The following MYH15 variants were observed in gnomAD, a reference collection of about 807,000 sequenced individuals.
The protein encoded by MYH15 is myosin-15.
MYH15 carries 227 observed loss-of-function variants against 240.5 expected under a neutral mutation model. The ratio of observed to expected loss-of-function variants is 0.94; its 90% confidence interval spans 0.85 to 1.05. MYH15 has a LOEUF of 1.05. Among genes scored for constraint, MYH15 ranks in the 50% least tolerant of loss-of-function variants. The probability of loss-of-function intolerance (pLI) is 0.00; values close to 1 mark genes in which losing one functional copy is unlikely to be tolerated. For missense variants in MYH15, 2,217 were observed against 2,247.5 expected (o/e 0.99, Z 0.27); for synonymous variants, 785 against 796.7 (o/e 0.99, Z 0.25).
upstream of MYH15, among the ~76,000 whole-genome samples, chr3:108,532,511 A>G (rs1249888165): frequency 2.6e-5 from 4 of 152,148 alleles, no homozygotes; most frequent in Non-Finnish European, 4.4e-5. Flanking sequence ...TGGTTCTCAC[A>G]CTGAAACTAC....
At chr3:108,464,853 A>C in intron 14 of MYH15, 39 bp from the exon 15 acceptor site, 1 of 1,524,640 alleles carries the variant, frequency 6.6e-7, no homozygotes, top group Non-Finnish European at 8.8e-7. Flanking sequence ...TTCTTTAAAA[A>C]CACCGGCACT....
At chr3:108,468,014 G>A (rs1316898519) in intron 14 of MYH15, among the ~76,000 whole-genome samples, 2 of 150,744 alleles carry the variant, frequency 1.3e-5, no homozygotes, top group African/African-American at 2.4e-5. Flanking sequence ...TGCCCAGGCT[G>A]GAGTGCAGTG....
At position 108,398,679 on chromosome 3, in the gene MYH15, C is replaced by A. The variant is rs1196252569; in HGVS notation, c.5091G>T (p.Glu1697Asp). 1.9e-6 allele frequency: 3 copies of A among 1,613,760 alleles called. No homozygotes were observed. Among genetic ancestry groups the A allele is most frequent in the African/African-American group, 1.3e-5 (1 of 74,924 alleles). ...TERGRRLSEE[E>D]LLEATERINL... Reference sequence around the variant, plus strand: ...TGATTCTTTCTGTTGCTTCCAGGAGCTCTTCTTCTGACAGCCTGCGGCCAC... The same window carrying A: ...TGATTCTTTCTGTTGCTTCCAGGAGATCTTCTTCTGACAGCCTGCGGCCAC... Residue 1697 changes from glutamate to aspartate, a missense_variant, in exon 35 of 41, where the codon GAG (glutamate) becomes GAT (aspartate). Coordinates refer to ENST00000693548, the MANE Select transcript of MYH15 (RefSeq NM_014981.3).
intron 14 of MYH15, 44 bp from the exon 15 acceptor site, chr3:108,464,858 G>A (rs760717860): frequency 5.5e-5 from 83 of 1,508,816 alleles, no homozygotes; most frequent in Middle Eastern, 3.5e-4. Context: ...TAAAAACACC[G>A]GCACTTTCAG....
chr3:108,514,913 A>T (rs954112120), upstream of MYH15, among the ~76,000 whole-genome samples: 1 of 152,184 alleles, frequency 6.6e-6, no homozygotes, highest in Non-Finnish European at 1.5e-5. Context: ...CCTTGGAGGC[A>T]TCTCTAATTT....
At chr3:108,392,237 G>A (rs1453427806) in intron 36 of MYH15, among the ~76,000 whole-genome samples, 1 of 152,176 alleles carries the variant, frequency 6.6e-6, no homozygotes, top group Non-Finnish European at 1.5e-5. Flanking sequence ...TGAAGCAATG[G>A]CTTTTAATTG....
intron 1 of MYH15, chr3:108,529,225 G>A (rs2083695763): frequency 6.3e-7 from 1 of 1,588,486 alleles, no homozygotes; most frequent in Non-Finnish European, 8.6e-7. Flanking sequence ...TCAGCATTCT[G>A]TTAGACAAAT....
intron 25 of MYH15, among the ~76,000 whole-genome samples, chr3:108,435,363 T>C (rs2082822475): frequency 6.6e-6 from 1 of 152,154 alleles, no homozygotes; most frequent in African/African-American, 2.4e-5. Context: ...AAGTACAAAA[T>C]GTAGTATTGT....
intron 14 of MYH15, among the ~76,000 whole-genome samples, chr3:108,465,856 G>T (rs1165676529): frequency 1.3e-5 from 2 of 152,218 alleles, no homozygotes; most frequent in Non-Finnish European, 1.5e-5. Context: ...GAATCTGGGA[G>T]GCACAGGTTG....
chr3:108,484,071 T>C (rs576292281), intron 11 of MYH15, among the ~76,000 whole-genome samples: 8 of 152,202 alleles, frequency 5.3e-5, no homozygotes, highest in Admixed American at 1.3e-4. Context: ...ATGGCTAAAA[T>C]TGTAAATTGT....
chr3:108,425,452 A>G (rs2082718433), intron 27 of MYH15, among the ~76,000 whole-genome samples: 1 of 152,248 alleles, frequency 6.6e-6, no homozygotes, highest in Non-Finnish European at 1.5e-5. Context: ...AAGATAATTT[A>G]GGAAACCACT....
chr3:108,464,862 C>T (rs776706367), intron 14 of MYH15, 48 bp from the exon 15 acceptor site: 9 of 1,496,814 alleles, frequency 6.0e-6, no homozygotes, highest in South Asian at 1.3e-5. Context: ...AACACCGGCA[C>T]TTTCAGTAGG....
At chr3:108,485,503 C>T (rs1349625120) in intron 10 of MYH15, among the ~76,000 whole-genome samples, 3 of 152,184 alleles carry the variant, frequency 2.0e-5, no homozygotes, top group African/African-American at 7.2e-5. Flanking sequence ...TTGTTCCTTC[C>T]AGCAACAGAT....
At chr3:108,528,851 T>A (rs935657291) in intron 1 of MYH15, among the ~76,000 whole-genome samples, 8 of 148,478 alleles carry the variant, frequency 5.4e-5, no homozygotes, top group Admixed American at 5.3e-4. Context: ...CTACTCTCAG[T>A]AAATAATTAG....
intron 18 of MYH15, among the ~76,000 whole-genome samples, chr3:108,458,770 A>G (rs915515469): frequency 2.6e-5 from 4 of 151,856 alleles, no homozygotes; most frequent in African/African-American, 9.7e-5. Context: ...AAAAATCACT[A>G]CCATCCACCT....
At chr3:108,549,869 T>G in the MYH15 span, 1 of 152,074 alleles carries the variant, frequency 6.6e-6, no homozygotes. Context: ...GTCTCTTTTA[T>G]TTTATAGACC....
chr3:108,393,566 CCT>C (rs1406450415), intron 36 of MYH15, among the ~76,000 whole-genome samples: 2 of 152,156 alleles, frequency 1.3e-5, no homozygotes, highest in African/African-American at 4.8e-5. Flanking sequence ...GCCCTGAAAC[CCT>C]TTTTTACCAA....
chr3:108,493,121 A>G lies in MYH15; in HGVS notation c.768T>C (p.Ile256=), dbSNP rs1459389118. ...GARGMLSSVD[I]DIYLLEKSRV... ...AGTGCAATGACTACTTACAGATATC[A>G]ATGTCCACAGATGACAGCATGCCTC... Residue 256 remains isoleucine (I), a synonymous_variant, in exon 8 of 41, where the codon ATT becomes ATC. Coordinates refer to ENST00000693548, the MANE Select transcript of MYH15 (RefSeq NM_014981.3). 1.2e-6 allele frequency: 2 copies of G among 1,613,974 alleles called. No individual in the cohort carries two copies. Among genetic ancestry groups the G allele is most frequent in the Non-Finnish European group, 1.7e-6 (2 of 1,179,938 alleles).
chr3:108,431,596 C>T (rs1472630060), intron 25 of MYH15, among the ~76,000 whole-genome samples: 2 of 152,154 alleles, frequency 1.3e-5, no homozygotes, highest in African/African-American at 2.4e-5. Flanking sequence ...TACCCAGTCT[C>T]AGGTAACTTT....
Sources: gnomAD v4.1 joint callset for allele counts (sites outside exome capture counted in the v4.1 genomes callset) on GRCh38, gnomAD v4.1.1 for gene constraint, MANE v1.5 for transcripts, NCBI Gene and HGNC (gene_info 2026-07-23, HGNC 2026-07-21) for gene names.